The following POU2F1 variants were observed in gnomAD, a reference collection of about 807,000 sequenced individuals.
POU2F1 encodes POU class 2 homeobox 1, also known as POU domain, class 2, transcription factor 1.
POU2F1 carries 16 observed loss-of-function variants against 84.9 expected under a neutral mutation model. The ratio of observed to expected loss-of-function variants is 0.19; its 90% CI spans 0.13 to 0.29. The LOEUF (loss-of-function observed/expected upper bound fraction) is 0.29. Ranked by LOEUF, POU2F1 falls within the 10% of genes least tolerant of loss-of-function variation. POU2F1 has a pLI of 1.00. For synonymous variants in POU2F1, 368 were observed against 368.3 expected (o/e 1.00, Z 0.01); for missense variants, 738 against 942.6 (o/e 0.78, Z 2.84).
At chr1:167,363,206 T>C (rs1371848147) in intron 2 of POU2F1, among the ~76,000 whole-genome samples, 3 of 152,200 alleles carry the variant, frequency 2.0e-5, no homozygotes, top group Non-Finnish European at 2.9e-5. Context: ...AACCAGTATA[T>C]AGAATTTTCA....
intron 2 of POU2F1, among the ~76,000 whole-genome samples, chr1:167,350,689 A>AT (rs1243585080): frequency 6.6e-6 from 1 of 151,048 alleles, no homozygotes; most frequent in Non-Finnish European, 1.5e-5. Context: ...AAAAAAAAAA[A>AT]AGAAAAGAAA....
intron 1 of POU2F1, among the ~76,000 whole-genome samples, chr1:167,302,124 G>A (rs1046442112): frequency 2.6e-5 from 4 of 151,438 alleles, no homozygotes; most frequent in African/African-American, 9.7e-5. Flanking sequence ...CAGGCCGGAG[G>A]GCAGTGGCAC....
At chr1:167,222,915 C>T (rs192415079) in intron 1 of POU2F1, among the ~76,000 whole-genome samples, 30 of 152,190 alleles carry the variant, frequency 2.0e-4, no homozygotes, top group African/African-American at 7.2e-5. Context: ...ATGTTAAATA[C>T]TTTAAGGCTT....
Position 167,300,682 on chromosome 1 carries a change from C to A in POU2F1, c.62-31788C>A, listed in dbSNP as rs573768115. ...TTTTCACCACGTTGGCCAGGATGGT[C>A]TCGATCTCTTGACCTCGTGATCCGC... On this transcript the variant is annotated intron_variant, in intron 1 of 15. Transcript: ENST00000367866. Among the ~76,000 whole-genome samples the A allele has an allele frequency of 7.7e-4, 118 of 152,266 alleles. 2 individuals carry two copies. The South Asian group carries it at 0.013, about 17-fold the overall frequency.
chr1:167,401,820 G>C lies in POU2F1; in HGVS notation c.1555+264G>C, dbSNP rs908839023. The stretch of plus-strand genomic sequence containing the variant: ...GATCTCCCACTAGTCTTTTGCCTAC[G>C]CACCCTCAACACACAGGAGGCCTCC... On this transcript the variant is annotated intron_variant, in intron 13 of 15. Coordinates refer to ENST00000367866, the MANE Select transcript of POU2F1 (RefSeq NM_002697.4). Among the ~76,000 whole-genome samples the C allele has an allele frequency of 5.9e-5, 9 of 152,182 alleles. No individual in the cohort carries two copies. In the East Asian group the frequency reaches 1.3e-3, roughly 23 times the overall value.
chr1:167,333,447 C>T (rs1343422854), intron 2 of POU2F1, among the ~76,000 whole-genome samples: 1 of 152,084 alleles, frequency 6.6e-6, no homozygotes, highest in African/African-American at 2.4e-5. Context: ...AGAGGGATCC[C>T]TTTTGACTTA....
At chr1:167,232,400 A>T (rs1453073553) in intron 1 of POU2F1, among the ~76,000 whole-genome samples, 1 of 152,242 alleles carries the variant, frequency 6.6e-6, no homozygotes, top group Non-Finnish European at 1.5e-5. Context: ...GTTGTTAACA[A>T]AAACATTTAA....
intron 13 of POU2F1, among the ~76,000 whole-genome samples, chr1:167,402,442 T>G (rs1432277749): frequency 6.6e-6 from 1 of 152,084 alleles, no homozygotes; most frequent in Non-Finnish European, 1.5e-5. Context: ...ATTTCTACAT[T>G]ATTAGAACAT....
intron 2 of POU2F1, among the ~76,000 whole-genome samples, chr1:167,345,399 A>G (rs1658124206): frequency 6.6e-6 from 1 of 152,238 alleles, no homozygotes; most frequent in Non-Finnish European, 1.5e-5. Context: ...GATTAGGAAC[A>G]GTCAATTAGG....
chr1:167,344,731 A>C (rs769634462), intron 2 of POU2F1, among the ~76,000 whole-genome samples: 1 of 152,176 alleles, frequency 6.6e-6, no homozygotes. Context: ...TTAGCTATCT[A>C]TTAGGAGGAA....
At chr1:167,380,741 A>C (rs1647476782) in intron 7 of POU2F1, 1 of 152,198 alleles carries the variant, frequency 6.6e-6, no homozygotes, top group African/African-American at 2.4e-5. Flanking sequence ...GATTTCTGGA[A>C]TTCTGTTTTC....
Position 167,374,222 on chromosome 1 carries a change from G to A in POU2F1, c.517G>A (p.Gly173Arg), listed in dbSNP as rs1660181331. ...CGCCAGCCAGCAGCACAGTGCTGCT[G>A]GAGCCACCATCTCCGCCTCTGCTGC... ...HSASQQHSAAGATISASAATP... is the reference protein window; with the variant it reads ...HSASQQHSAARATISASAATP... Residue 173 changes from glycine (G) to arginine (R), a missense_variant, in exon 6 of 16, where the codon GGA (glycine) becomes AGA (arginine). Gly to Arg is a moderately radical substitution (Grantham distance 125). Transcript: ENST00000367866. 2 of 1,613,824 alleles carry A rather than the reference G, an allele frequency of 1.2e-6. No individual in the cohort carries two copies. The highest frequency in any genetic ancestry group is 1.3e-5 in the African/African-American group (1 of 74,910).
chr1:167,374,838 C>A (rs947488185), intron 6 of POU2F1, among the ~76,000 whole-genome samples: 1 of 152,066 alleles, frequency 6.6e-6, no homozygotes, highest in Non-Finnish European at 1.5e-5. Context: ...GAGGCCGAGG[C>A]GGGCGGATCA....
At chr1:167,302,302 C>G (rs34628302) in intron 1 of POU2F1, among the ~76,000 whole-genome samples, 1 of 151,148 alleles carries the variant, frequency 6.6e-6, no homozygotes, top group East Asian at 1.9e-4. Context: ...CACTGTGTCA[C>G]CAGGTTGGAG....
At chr1:167,229,855 T>G (rs1037224403) in intron 1 of POU2F1, among the ~76,000 whole-genome samples, 4 of 152,180 alleles carry the variant, frequency 2.6e-5, no homozygotes, top group Non-Finnish European at 5.9e-5. Context: ...CTTTATACAG[T>G]GGAGGTGTTG....
At chr1:167,374,524 CT>C (rs538516330) in intron 6 of POU2F1, among the ~76,000 whole-genome samples, 144 of 152,262 alleles carry the variant, frequency 9.5e-4, no homozygotes, top group African/African-American at 3.3e-3. Flanking sequence ...GAATAACTGA[CT>C]TTATATTAAG....
chr1:167,390,911 A>G (rs910765656), intron 9 of POU2F1, among the ~76,000 whole-genome samples: 3 of 152,246 alleles, frequency 2.0e-5, no homozygotes, highest in South Asian at 4.1e-4. Flanking sequence ...AAACCAGTTA[A>G]TCGAGCAAGA....
chr1:167,267,404 C>A (rs986150152), intron 1 of POU2F1, among the ~76,000 whole-genome samples: 1 of 149,982 alleles, frequency 6.7e-6, no homozygotes, highest in African/African-American at 2.4e-5. Context: ...GAAAAAAAAA[C>A]TAAAACCGTG....
intron 1 of POU2F1, among the ~76,000 whole-genome samples, chr1:167,237,762 ATATATATATATTTTTTTT>A (rs1330092665): frequency 4.5e-4 from 9 of 19,996 alleles, no homozygotes; most frequent in Middle Eastern, 0.028. Flanking sequence ...ATATATATAT[ATATATATATATTTTTTTT>A]TTTTTTTTTT....
Sources: allele counts gnomAD v4.1 joint callset (sites outside exome capture counted in the v4.1 genomes callset), GRCh38; gene constraint gnomAD v4.1.1; transcripts MANE v1.5; gene names NCBI Gene and HGNC (gene_info 2026-07-23, HGNC 2026-07-21).